DLGAP1: variants seen among roughly 807,000 people sequenced by gnomAD.
The protein encoded by DLGAP1 is disks large-associated protein 1.
A neutral mutation model predicts 90.8 loss-of-function variants in DLGAP1; 11 were observed. That is an observed-to-expected ratio of 0.12 (90% CI 0.08 to 0.20). The LOEUF is 0.20. Among genes scored for constraint, DLGAP1 ranks in the 10% least tolerant of loss-of-function variants. The pLI is 1.00. For synonymous variants in DLGAP1, 558 were observed against 540.7 expected, an observed-to-expected ratio of 1.03 and a Z score of -0.44; for missense variants, 1,050 against 1,333.8, an observed-to-expected ratio of 0.79 and a Z score of 3.31.
chr18:3,976,678 T>C (rs59136202), intron 3 of DLGAP1, among the ~76,000 whole-genome samples: 58,080 of 152,106 alleles, frequency 0.38, 11,361 homozygotes, highest in Non-Finnish European at 0.42. Context: ...TAACTTTGTA[T>C]TTATGACTTT....
intron 2 of DLGAP1, among the ~76,000 whole-genome samples, chr18:4,033,965 C>T (rs1039511727): frequency 1.3e-4 from 19 of 151,168 alleles, no homozygotes; most frequent in Admixed American, 2.6e-4. Flanking sequence ...TCTCCATCTC[C>T]GGACCTCGTG....
intron 4 of DLGAP1, chr18:3,845,617 C>G: frequency 1.0e-6 from 1 of 985,386 alleles, no homozygotes; most frequent in Non-Finnish European, 1.2e-6. Flanking sequence ...CTTTCATTAT[C>G]TCAGTAAATT....
chr18:3,506,454 A>G (rs1442851515), intron 11 of DLGAP1, among the ~76,000 whole-genome samples: 1 of 142,670 alleles, frequency 7.0e-6, no homozygotes, highest in Non-Finnish European at 1.5e-5. Context: ...CGGAGGTTGC[A>G]GTGAGCCGAG....
At chr18:3,697,326 T>C (rs1030720221) in intron 7 of DLGAP1, among the ~76,000 whole-genome samples, 1 of 152,212 alleles carries the variant, frequency 6.6e-6, no homozygotes, top group Non-Finnish European at 1.5e-5. Flanking sequence ...TCTGGGCATT[T>C]AGTGCTATAA....
intron 3 of DLGAP1, among the ~76,000 whole-genome samples, chr18:3,888,907 C>G (rs532149043): frequency 3.9e-5 from 6 of 152,236 alleles, no homozygotes; most frequent in Non-Finnish European, 5.9e-5. Flanking sequence ...TTGTTCTTAT[C>G]TGGATTTTCA....
At chr18:4,112,450 A>C (rs1056249863) in intron 2 of DLGAP1, among the ~76,000 whole-genome samples, 1 of 151,952 alleles carries the variant, frequency 6.6e-6, no homozygotes, top group Non-Finnish European at 1.5e-5. Context: ...ATACTGTTCG[A>C]GTTTTTGATT....
intron 5 of DLGAP1, among the ~76,000 whole-genome samples, chr18:3,772,342 CTCTCTCTTTCTT>C (rs1294211155): frequency 0.022 from 1,744 of 80,914 alleles, 52 homozygotes; most frequent in African/African-American, 0.04. Context: ...TTCTCTCTCT[CTCTCTCTTTCTT>C]TCTTTCTTTC....
intron 3 of DLGAP1, among the ~76,000 whole-genome samples, chr18:3,939,695 G>A (rs1284155073): frequency 6.6e-6 from 1 of 152,058 alleles, no homozygotes; most frequent in East Asian, 1.9e-4. Context: ...GGCTGGGAGT[G>A]GAGGGGTAGT....
chr18:3,502,725 T>C, intron 11 of DLGAP1, 80 bp from the exon 12 acceptor site: 1 of 1,495,180 alleles, frequency 6.7e-7, no homozygotes. Flanking sequence ...TTTTCAAATA[T>C]TTCAAACAAC....
chr18:4,066,865 C>A lies in DLGAP1; in HGVS notation c.-158-61664G>T, dbSNP rs2075377441. ...AATATAAATCATTCTACCAGAAAAA[C>A]ACATGCATGTGAATGTTCATTGCAG... is the stretch of plus-strand genomic sequence containing the variant. On this transcript the variant is annotated intron_variant, in intron 2 of 12. Coordinates refer to ENST00000315677, the MANE Select transcript of DLGAP1 (RefSeq NM_004746.4). Among the ~76,000 whole-genome samples the A allele has an allele frequency of 2.0e-5, 3 of 152,014 alleles. No homozygotes were observed. In the South Asian group the frequency reaches 6.2e-4, roughly 31 times the overall value.
At chr18:3,699,048 T>G (rs917673505) in intron 7 of DLGAP1, among the ~76,000 whole-genome samples, 6 of 152,094 alleles carry the variant, frequency 3.9e-5, no homozygotes, top group African/African-American at 1.4e-4. Flanking sequence ...TCCTCTAACC[T>G]TTTTTCAAGG....
chr18:3,781,351 A>ATTTT (rs34073983), intron 5 of DLGAP1, among the ~76,000 whole-genome samples: 1 of 140,262 alleles, frequency 7.1e-6, no homozygotes, highest in Non-Finnish European at 1.6e-5. Flanking sequence ...GCAGCTTTCA[A>ATTTT]TTTTTTTTTT....
At chr18:4,370,646 G>A (rs978657116) in intron 1 of DLGAP1, among the ~76,000 whole-genome samples, 1 of 152,182 alleles carries the variant, frequency 6.6e-6, no homozygotes, top group Non-Finnish European at 1.5e-5. Context: ...GGCAGGTTGA[G>A]TTGCTATGGA....
intron 8 of DLGAP1, among the ~76,000 whole-genome samples, chr18:3,573,616 G>A (rs536393955): frequency 5.9e-5 from 9 of 151,666 alleles, no homozygotes; most frequent in South Asian, 2.1e-4. Flanking sequence ...ATCCAAGTCC[G>A]TAACATTTGT....
At chr18:4,163,160 T>A (rs1256879161) in intron 1 of DLGAP1, among the ~76,000 whole-genome samples, 2 of 152,238 alleles carry the variant, frequency 1.3e-5, no homozygotes, top group African/African-American at 2.4e-5. Flanking sequence ...TCATCTTTGC[T>A]CATAAGCTTG....
At chr18:3,662,644 G>A (rs923045989) in intron 7 of DLGAP1, among the ~76,000 whole-genome samples, 1 of 152,204 alleles carries the variant, frequency 6.6e-6, no homozygotes, top group African/African-American at 2.4e-5. Flanking sequence ...TTATGGAAAG[G>A]GGACAACTCA....
chr18:3,700,134 A>C (rs560389697), intron 7 of DLGAP1, among the ~76,000 whole-genome samples: 164 of 152,156 alleles, frequency 1.1e-3, no homozygotes, highest in African/African-American at 3.6e-3. Flanking sequence ...GTAGTGAAAG[A>C]TTCTGTCTCG....
chr18:3,808,790 G>A (rs1340508875), intron 5 of DLGAP1, among the ~76,000 whole-genome samples: 2 of 151,970 alleles, frequency 1.3e-5, no homozygotes, highest in Non-Finnish European at 2.9e-5. Flanking sequence ...TGTCCAGGAG[G>A]AGAAAAGGGG....
intron 1 of DLGAP1, among the ~76,000 whole-genome samples, chr18:4,424,572 A>C (rs2083110646): frequency 6.6e-6 from 1 of 152,196 alleles, no homozygotes; most frequent in African/African-American, 2.4e-5. Context: ...TTAGTCATTT[A>C]TATCACAGTC....
Sources: gnomAD v4.1 joint callset for allele counts (sites outside exome capture counted in the v4.1 genomes callset) on GRCh38, gnomAD v4.1.1 for gene constraint, MANE v1.5 for transcripts, NCBI Gene and HGNC (gene_info 2026-07-23, HGNC 2026-07-21) for gene names.